The following TRPM8 variants were observed in gnomAD, a reference collection of about 807,000 sequenced individuals.
TRPM8 encodes transient receptor potential cation channel subfamily M member 8, also known as TRPM8 cationic channel.
A neutral mutation model predicts 133.7 loss-of-function variants in TRPM8; 110 were observed. The ratio of observed to expected loss-of-function variants is 0.82; its 90% CI spans 0.70 to 0.96. The LOEUF is 0.96. TRPM8 is among the 40% of genes least tolerant of loss of function. TRPM8 has a pLI of 0.00. For missense variants in TRPM8, 1,291 were observed against 1,379.5 expected, an observed-to-expected ratio of 0.94 and a Z score of 1.02; for synonymous variants, 535 against 532.3, an observed-to-expected ratio of 1.01 and a Z score of -0.07.
At chr2:233,991,567 G>A (rs903470953) in intron 21 of TRPM8, among the ~76,000 whole-genome samples, 5 of 152,130 alleles carry the variant, frequency 3.3e-5, no homozygotes, top group African/African-American at 1.2e-4. Context: ...GTTTGGAGGA[G>A]GTGTCCATCT....
At position 234,017,720 on chromosome 2, in the gene TRPM8, T is replaced by C. The variant is rs201555245; in HGVS notation, c.*464T>C. The stretch of plus-strand genomic sequence containing the variant: ...TTTTTTGTATTATGTGACTAATTAG[T>C]TGGCATATTGTTAAAAGTCTCTCAA... On this transcript the variant is annotated 3_prime_UTR_variant, in exon 26 of 26. Coordinates refer to ENST00000324695, the MANE Select transcript of TRPM8 (RefSeq NM_024080.5). The C allele has an allele frequency of 6.2e-6, 1 of 162,244 alleles. No homozygotes were observed. The highest frequency in any genetic ancestry group is 2.4e-5 in the African/African-American group (1 of 41,548). The allele number at this position is 162,244 out of a possible 1,614,324, so 10.1% of individuals were successfully genotyped here.
rs200565245 is a variant in TRPM8, at chr2:233,937,465, G to A, written c.304G>A (p.Ala102Thr). ...ACACACCAAGGAATTTCCTACCGAC[G>A]CCTTTGGGGATATTCAGTTTGAGAC... ...KKHTKEFPTD[A>T]FGDIQFETLG... is the part of the protein sequence containing the mutation. The change falls in exon 4 of 26, where the codon GCC becomes ACC. Residue 102 changes from alanine (A) to threonine (T), a missense_variant. By Grantham distance (58) the Ala-to-Thr change is moderately conservative (BLOSUM62 0). This residue lies in a region of TRPM8 where 963 missense variants were observed against 968.9 expected (regional missense o/e 0.99). Transcript: ENST00000324695. 15 of 1,614,106 alleles carry A rather than the reference G, an allele frequency of 9.3e-6. No individual in the cohort carries two copies. In the Middle Eastern group the frequency reaches 4.9e-4, roughly 53 times the overall value.
At chr2:233,942,529 C>A (rs773318642) in intron 5 of TRPM8, 47 bp from the exon 6 acceptor site, 3 of 1,606,718 alleles carry the variant, frequency 1.9e-6, no homozygotes, top group Non-Finnish European at 8.5e-7. Flanking sequence ...AGAATGGAAA[C>A]TTTGCCCAGT....
At chr2:234,005,190 C>T (rs1434226980) in intron 22 of TRPM8, among the ~76,000 whole-genome samples, 4 of 151,976 alleles carry the variant, frequency 2.6e-5, no homozygotes, top group African/African-American at 9.7e-5. Flanking sequence ...CTTCTGGTCC[C>T]CCATTACCCT....
In TRPM8 at chr2:233,983,350, G is replaced by T. The variant is rs747402040; in HGVS notation, c.2761+126G>T. 5 of 1,065,432 alleles carry T rather than the reference G, an allele frequency of 4.7e-6. No homozygotes were observed. In the Admixed American group the frequency reaches 1.0e-4, roughly 21 times the overall value. 66.0% of individuals were successfully genotyped at this position (1,065,432 alleles called of 1,614,324 possible). ...GCGTGAAACGGAGTCCAACATAACA[G>T]AGTAAAAACTCACTCCTCAAAACCT... On this transcript the variant is annotated intron_variant, in intron 20 of 25. Transcript: ENST00000324695.
intron 21 of TRPM8, among the ~76,000 whole-genome samples, chr2:233,991,583 G>A (rs1227343033): frequency 1.3e-5 from 2 of 152,130 alleles, no homozygotes; most frequent in African/African-American, 4.8e-5. Flanking sequence ...CATCTGATAG[G>A]GAATTAGCTG....
chr2:233,944,409 A>T (rs753654118), intron 6 of TRPM8, among the ~76,000 whole-genome samples: 1 of 152,194 alleles, frequency 6.6e-6, no homozygotes, highest in Non-Finnish European at 1.5e-5. Context: ...CTCACAAAAA[A>T]CCTTGAAAAT....
intron 14 of TRPM8, 32 bp downstream of exon 14, chr2:233,964,789 C>A (rs201622980): frequency 6.4e-7 from 1 of 1,571,658 alleles, no homozygotes; most frequent in Admixed American, 1.7e-5. Context: ...CTGTGGTGGG[C>A]GCGGATCTGC....
rs200884995 is a variant in TRPM8, at chr2:233,960,947, G to A, written c.1534G>A (p.Ala512Thr). ...STLVYRNLQIAKNSYNDALLT... is the reference protein window; with the variant it reads ...STLVYRNLQITKNSYNDALLT... ...GCTTGTGTACCGGAATCTGCAGATC[G>A]CCAAGAATTCCTATAATGATGCCCT... The change falls in exon 12 of 26, where the codon GCC (alanine) becomes ACC (threonine). Residue 512 changes from alanine (A) to threonine (T), a missense_variant. By Grantham distance (58) the Ala-to-Thr change is moderately conservative (BLOSUM62 0). Coordinates refer to ENST00000324695, the MANE Select transcript of TRPM8 (RefSeq NM_024080.5). The A allele has an allele frequency of 3.1e-6, 5 of 1,614,122 alleles. No homozygotes were observed. Among genetic ancestry groups the A allele is most frequent in the Non-Finnish European group, 3.4e-6 (4 of 1,180,040 alleles).
chr2:233,957,613 A>T (rs1691324954), intron 11 of TRPM8, among the ~76,000 whole-genome samples: 1 of 152,246 alleles, frequency 6.6e-6, no homozygotes. Flanking sequence ...GTAATCAATA[A>T]TCAAAAGATA....
intron 1 of TRPM8, among the ~76,000 whole-genome samples, chr2:233,925,578 C>CGGGGAGGT (rs1323968250): frequency 6.6e-6 from 1 of 152,002 alleles, no homozygotes; most frequent in Non-Finnish European, 1.5e-5. Flanking sequence ...ACAGTCAGGC[C>CGGGGAGGT]GGGGAGGTGG....
At chr2:233,937,297 C>G in intron 3 of TRPM8, 56 bp from the exon 4 acceptor site, 1 of 1,597,978 alleles carries the variant, frequency 6.3e-7, no homozygotes, top group Non-Finnish European at 8.5e-7. Flanking sequence ...ATACCAGTTT[C>G]CATAAGCAGG....
chr2:233,943,342 G>T (rs1204126431), intron 6 of TRPM8, among the ~76,000 whole-genome samples: 1 of 151,910 alleles, frequency 6.6e-6, no homozygotes, highest in Admixed American at 6.6e-5. Flanking sequence ...TGATAGGCTG[G>T]ATTAAGAAAA....
intron 17 of TRPM8, among the ~76,000 whole-genome samples, chr2:233,975,619 G>A (rs17868393): frequency 0.011 from 1,728 of 152,320 alleles, 13 homozygotes; most frequent in African/African-American, 0.018. Context: ...GGTGGCTCCC[G>A]CCTGCAATCC....
intron 18 of TRPM8, among the ~76,000 whole-genome samples, chr2:233,981,297 A>G (rs1477598115): frequency 2.0e-5 from 3 of 152,196 alleles, no homozygotes; most frequent in African/African-American, 7.2e-5. Flanking sequence ...CACTCCAGTT[A>G]GAAAGCACAG....
chr2:233,969,339 T>C (rs1691649697), intron 15 of TRPM8, among the ~76,000 whole-genome samples: 1 of 150,060 alleles, frequency 6.7e-6, no homozygotes, highest in South Asian at 2.1e-4. Flanking sequence ...AAAAAAAAAT[T>C]AGACAGGAAT....
intron 24 of TRPM8, among the ~76,000 whole-genome samples, chr2:234,011,123 T>A (rs1303739053): frequency 6.6e-6 from 1 of 152,244 alleles, no homozygotes; most frequent in Admixed American, 6.5e-5. Context: ...TGTTTAAGCC[T>A]TTGATCCATT....
At position 233,960,789 on chromosome 2, in the gene TRPM8, A is replaced by T; in HGVS notation, c.1376A>T (p.Gln459Leu). The T allele has an allele frequency of 2.5e-6, 4 of 1,614,026 alleles. No individual in the cohort carries two copies. Among genetic ancestry groups the T allele is most frequent in the Non-Finnish European group, 2.5e-6 (3 of 1,179,928 alleles). The change falls in exon 12 of 26, where the codon CAA (glutamine) becomes CTA (leucine). Residue 459 changes from glutamine (Q) to leucine (L), a missense_variant. Coordinates refer to ENST00000324695, the MANE Select transcript of TRPM8 (RefSeq NM_024080.5). Reference sequence around the variant, plus strand: ...CTTTCTCCTTAGTCTGCTGACCTTCAAGAAGTCATGTTTACGGCTCTCATA... The same window carrying T: ...CTTTCTCCTTAGTCTGCTGACCTTCTAGAAGTCATGTTTACGGCTCTCATA... ...NDRRWESADLQEVMFTALIKD... is the reference protein window; with the variant it reads ...NDRRWESADLLEVMFTALIKD...
chr2:233,971,032 G>T (rs1691700706), intron 17 of TRPM8, among the ~76,000 whole-genome samples: 1 of 152,120 alleles, frequency 6.6e-6, no homozygotes, highest in Non-Finnish European at 1.5e-5. Flanking sequence ...AAATATTGAT[G>T]GTGAAAGTGG....
Sources: gnomAD v4.1 joint callset for allele counts (sites outside exome capture counted in the v4.1 genomes callset) on GRCh38, gnomAD v4.1.1 for gene constraint, gnomAD v4.1.1 regional missense constraint, MANE v1.5 for transcripts, NCBI Gene and HGNC (gene_info 2026-07-23, HGNC 2026-07-21) for gene names.